Variants in SP140 observed in about 807,000 individuals in gnomAD.
SP140 encodes SP140 nuclear body protein.
In SP140, 81 loss-of-function variants were observed where a neutral mutation model predicts 125.0. That is an observed-to-expected ratio of 0.65 (90% CI 0.54 to 0.78). SP140 has a LOEUF of 0.78. Among genes scored for constraint, SP140 ranks in the 30% least tolerant of loss-of-function variants. The pLI, the probability that SP140 is intolerant of heterozygous loss-of-function variation, is 0.00. For missense variants in SP140, 858 were observed against 1,037.0 expected (o/e 0.83, Z 2.37); for synonymous variants, 312 against 354.0 (o/e 0.88, Z 1.33).
Position 230,237,569 on chromosome 2 carries a change from G to C in SP140, c.237+309G>C, listed in dbSNP as rs1311576212. ...ATAATTAAAATAAATAAGTGACCTA[G>C]GCAGCATTTTATTCCAAAGCCTACT... On this transcript the variant is annotated intron_variant, in intron 2 of 26. Coordinates refer to ENST00000392045, the MANE Select transcript of SP140 (RefSeq NM_007237.5). This position sits in a 1 kb window ranked among gnomAD's most constrained non-coding sequence, Gnocchi z 5.4. 4.7e-6 allele frequency: 1 copy of C among 213,922 alleles called. No homozygotes were observed. Among genetic ancestry groups the C allele is most frequent in the African/African-American group, 2.3e-5 (1 of 43,630 alleles). 13.3% of individuals were successfully genotyped at this position (213,922 alleles called of 1,614,324 possible).
intron 1 of SP140, chr2:230,203,768 T>C (rs1043670758): frequency 6.6e-6 from 1 of 152,244 alleles, no homozygotes; most frequent in Non-Finnish European, 1.5e-5. Flanking sequence ...TGTTTTGTTT[T>C]GTAAAAAATA....
intron 1 of SP140, among the ~76,000 whole-genome samples, chr2:230,229,119 T>A (rs1443673798): frequency 6.6e-6 from 1 of 152,076 alleles, no homozygotes; most frequent in African/African-American, 2.4e-5. Context: ...ATGCCCATTT[T>A]AAATTACACT....
the SP140 span, among the ~76,000 whole-genome samples, chr2:230,196,842 T>C: frequency 6.6e-6 from 1 of 152,192 alleles, no homozygotes. Context: ...GGTTTCCAGT[T>C]TCATCCATGT....
At position 230,311,472 on chromosome 2, in the gene SP140, C is replaced by G. The variant is rs772124844; in HGVS notation, c.2382C>G (p.Gly794=). 6.2e-7 allele frequency: 1 copy of G among 1,608,850 alleles called. No individual in the cohort carries two copies. The highest frequency in any genetic ancestry group is 8.5e-7 in the Non-Finnish European group (1 of 1,176,418). The change falls in exon 26 of 27, where the codon GGC becomes GGG. Residue 794 remains glycine, a synonymous_variant. Coordinates refer to ENST00000392045, the MANE Select transcript of SP140 (RefSeq NM_007237.5). ...ACCAGATTAGAGAGGCGTGTCAAGG[C>G]CTGAAGGAGCCCATGTGGTTGGATA... ...YYYYIREACQ[G]LKEPMWLDKI...
rs3820974 is a variant in SP140 at position 230,211,574 on chromosome 2, T to G, written c.-322-2080T>G. 0.46 allele frequency: 674,208 copies of G among 1,472,124 alleles called. 157,209 individuals are homozygous for G. The highest frequency in any genetic ancestry group is 0.7 in the East Asian group (30,898 of 44,262). 91.2% of individuals were successfully genotyped at this position (1,472,124 alleles called of 1,614,324 possible). ...GGCCACTGAATGGAGGAAGAAAAAG[T>G]TTTAGATCTCAGGAACAGCAAGCAG... On this transcript the variant is annotated intron_variant, in intron 1 of 4. Coordinates refer to the SP140 transcript ENST00000456542. This position sits in a 1 kb window ranked among gnomAD's most constrained non-coding sequence, Gnocchi z 4.2.
chr2:230,312,605 T>A lies in SP140; in HGVS notation c.2525T>A (p.Met842Lys). ...TTTCAGTACAAGGATTTTGGCCAAA[T>A]GGGATTTAGACTGGAGGCTGAGTTT... ...ASYKYKDFGQ[M>K]GFRLEAEFEK... Residue 842 changes from methionine to lysine, a missense_variant, in exon 27 of 27, where the codon ATG becomes AAG. By Grantham distance (95) the Met-to-Lys change is moderately conservative (BLOSUM62 -1). Transcript: ENST00000392045. 1 of 1,611,606 alleles carries A rather than the reference T, an allele frequency of 6.2e-7. No homozygotes were observed.
At chr2:230,303,152 C>A (rs1298934943) in intron 22 of SP140, among the ~76,000 whole-genome samples, 1 of 151,856 alleles carries the variant, frequency 6.6e-6, no homozygotes, top group Non-Finnish European at 1.5e-5. Flanking sequence ...AAAATTGATA[C>A]ACTATTAGCA....
At chr2:230,248,618 A>G (rs774251209) in intron 8 of SP140, among the ~76,000 whole-genome samples, 15 of 152,240 alleles carry the variant, frequency 9.9e-5, no homozygotes, top group Non-Finnish European at 2.1e-4. Context: ...AAAAAGACAT[A>G]GAAACAGGAG....
At chr2:230,292,028 G>C (rs560453537) in intron 19 of SP140, among the ~76,000 whole-genome samples, 1 of 152,298 alleles carries the variant, frequency 6.6e-6, no homozygotes, top group East Asian at 1.9e-4. Context: ...ATGGTGTTGA[G>C]CATGTGACTA....
At chr2:230,304,901 A>G (rs1326731660) in intron 22 of SP140, among the ~76,000 whole-genome samples, 2 of 152,242 alleles carry the variant, frequency 1.3e-5, no homozygotes, top group African/African-American at 4.8e-5. Flanking sequence ...AAACAAAGAT[A>G]AATAGATGGG....
At position 230,292,713 on chromosome 2, in the gene SP140, A is replaced by G; in HGVS notation, c.1893A>G (p.Lys631=). The G allele has an allele frequency of 8.1e-6, 13 of 1,614,262 alleles. No individual in the cohort carries two copies. Among genetic ancestry groups the G allele is most frequent in the South Asian group, 2.2e-5 (2 of 91,086 alleles). ...KWFTPTEFEI[K]GGHARSKNWR... ...TCACCCCCACGGAATTTGAAATCAAAGGAGGCCATGCAAGATCAAAGAACT... is the reference window on the plus strand; with the variant it reads ...TCACCCCCACGGAATTTGAAATCAAGGGAGGCCATGCAAGATCAAAGAACT... The change falls in exon 20 of 27, where the codon AAA becomes AAG. Residue 631 remains lysine, a synonymous_variant. Transcript: ENST00000392045.
At chr2:230,300,049 G>A (rs1372864886) in intron 22 of SP140, among the ~76,000 whole-genome samples, 1 of 152,160 alleles carries the variant, frequency 6.6e-6, no homozygotes, top group Non-Finnish European at 1.5e-5. Flanking sequence ...ACAAAAGACA[G>A]GGGCTCATGG....
intron 3 of SP140, chr2:230,238,744 A>C: frequency 6.5e-7 from 1 of 1,534,500 alleles, no homozygotes; most frequent in Non-Finnish European, 8.8e-7. Context: ...AAGATAAAAC[A>C]ATTTTCTTTG....
In SP140 at chr2:230,212,837, G is replaced by A. The variant is rs1327353483; in HGVS notation, c.-322-817G>A. 2 of 1,614,106 alleles carry A rather than the reference G, an allele frequency of 1.2e-6. No individual in the cohort carries two copies. Among genetic ancestry groups the A allele is most frequent in the Admixed American group, 1.7e-5 (1 of 60,018 alleles). Reference sequence around the variant, plus strand: ...CAGATGGGCTGGGCGACTCACTCAGGATCTCATCGCTTTGCTGGGAGGATG... The same window carrying A: ...CAGATGGGCTGGGCGACTCACTCAGAATCTCATCGCTTTGCTGGGAGGATG... On this transcript the variant is annotated intron_variant, in intron 1 of 4. Coordinates refer to the SP140 transcript ENST00000456542.
At chr2:230,188,243 T>A in the SP140 span, among the ~76,000 whole-genome samples, 2 of 152,228 alleles carry the variant, frequency 1.3e-5, no homozygotes, top group South Asian at 4.1e-4. Flanking sequence ...TATTTTATTT[T>A]GTTGAAGTTG....
intron 3 of SP140, among the ~76,000 whole-genome samples, chr2:230,214,575 T>A (rs1574774521): frequency 6.6e-6 from 1 of 152,240 alleles, no homozygotes; most frequent in Admixed American, 6.5e-5. Context: ...TACTTATTAT[T>A]ATCCGTCCAC....
intron 11 of SP140, among the ~76,000 whole-genome samples, chr2:230,254,642 C>G (rs1384154210): frequency 6.6e-6 from 1 of 152,230 alleles, no homozygotes; most frequent in East Asian, 1.9e-4. Flanking sequence ...CCTGTTTGCT[C>G]TTCTACTCAT....
intron 12 of SP140, among the ~76,000 whole-genome samples, chr2:230,264,342 C>T (rs190153183): frequency 7.0e-4 from 107 of 152,238 alleles, no homozygotes; most frequent in Non-Finnish European, 1.1e-3. Flanking sequence ...TTTCTTTAAG[C>T]TATCTATTTG....
intron 15 of SP140, among the ~76,000 whole-genome samples, chr2:230,272,989 C>A (rs1478032678): frequency 6.6e-6 from 1 of 152,096 alleles, no homozygotes; most frequent in African/African-American, 2.4e-5. Context: ...ACTATAAAAA[C>A]CCTGGAAGAT....
Sources: allele counts gnomAD v4.1 joint callset (sites outside exome capture counted in the v4.1 genomes callset), GRCh38; gene constraint gnomAD v4.1.1; non-coding constraint Gnocchi (gnomAD v3.1); transcripts MANE v1.5; gene names NCBI Gene and HGNC (gene_info 2026-07-23, HGNC 2026-07-21).